Variants in NUDT4 observed in about 807,000 individuals in gnomAD.
NUDT4 encodes nudix hydrolase 4.
NUDT4 carries 5 observed loss-of-function variants against 23.1 expected under a neutral mutation model. The ratio of observed to expected loss-of-function variants is 0.22; its 90% CI spans 0.11 to 0.46. The LOEUF (loss-of-function observed/expected upper bound fraction) is 0.46, where lower values mean the gene tolerates loss of function less well. Ranked by LOEUF, NUDT4 falls within the 20% of genes least tolerant of loss-of-function variation. The pLI, the probability that NUDT4 is intolerant of heterozygous loss-of-function variation, is 0.99. For synonymous variants in NUDT4, 50 were observed against 79.0 expected (o/e 0.63, Z 1.95); for missense variants, 96 against 211.6 (o/e 0.45, Z 3.39).
intron 2 of NUDT4, among the ~76,000 whole-genome samples, chr12:93,394,930 C>T (rs570383057): frequency 6.6e-6 from 1 of 152,192 alleles, no homozygotes; most frequent in Admixed American, 6.5e-5. Flanking sequence ...CTCACTGCCA[C>T]CTCCGCCTCC....
chr12:93,403,488 T>C lies in NUDT4; in HGVS notation c.*4109T>C, dbSNP rs1174006783. ...CGCCTGCCACCACGCCCGGCTAATT[T>C]TTTTGTATTTTTAGTAGAGACGGGG... On this transcript the variant is annotated 3_prime_UTR_variant, in exon 5 of 5. Transcript: ENST00000415493. 6.6e-6 allele frequency: 1 copy of C among 152,078 alleles called. No individual in the cohort carries two copies. Among genetic ancestry groups the C allele is most frequent in the Non-Finnish European group, 1.5e-5 (1 of 68,060 alleles). 9.4% of individuals were successfully genotyped at this position (152,078 alleles called of 1,614,324 possible). A position where few individuals can be genotyped will look rare whatever the true frequency, so the allele number is the denominator to read the frequency against.
At chr12:93,378,816 G>T (rs764427607) in intron 1 of NUDT4, 2 of 992,150 alleles carry the variant, frequency 2.0e-6, no homozygotes, top group Non-Finnish European at 2.4e-6. Flanking sequence ...GAGCCCTTGT[G>T]CCTCTTTTAC....
At chr12:93,382,907 C>T (rs949091625) in intron 1 of NUDT4, among the ~76,000 whole-genome samples, 3 of 151,960 alleles carry the variant, frequency 2.0e-5, no homozygotes, top group African/African-American at 7.3e-5. Flanking sequence ...GTGATTTACC[C>T]ACCTCAGCCT....
intron 1 of NUDT4, among the ~76,000 whole-genome samples, chr12:93,391,031 T>A (rs1443093170): frequency 6.6e-6 from 1 of 152,100 alleles, no homozygotes; most frequent in Non-Finnish European, 1.5e-5. Context: ...AAGTTCCTGG[T>A]AACTTAGTCA....
At position 93,389,773 on chromosome 12, in the gene NUDT4, A is replaced by G. The variant is rs533138471; in HGVS notation, c.100-4836A>G. The stretch of plus-strand genomic sequence containing the variant: ...AAAATGAGCTGGGCATGGTGGTGGG[A>G]GCCTGTAATCCCAGCTACTCGGGAG... On this transcript the variant is annotated intron_variant, in intron 1 of 4. Transcript: ENST00000415493. Among the ~76,000 whole-genome samples, 273 of 149,644 alleles carry G rather than the reference A, an allele frequency of 1.8e-3. 2 individuals carry two copies. Among genetic ancestry groups the G allele is most frequent in the African/African-American group, 6.4e-3 (261 of 40,666 alleles).
chr12:93,396,535 T>A (rs1474618036), intron 3 of NUDT4, among the ~76,000 whole-genome samples: 1 of 152,210 alleles, frequency 6.6e-6, no homozygotes, highest in African/African-American at 2.4e-5. Context: ...TAAATTTTAT[T>A]TTTAAGCCTT....
rs1019447366 is a variant in NUDT4, at chr12:93,402,387, A to G, written c.*3008A>G. 1 of 152,154 alleles carries G rather than the reference A, an allele frequency of 6.6e-6. No homozygotes were observed. The highest frequency in any genetic ancestry group is 1.5e-5 in the Non-Finnish European group (1 of 68,024). 9.4% of individuals were successfully genotyped at this position (152,154 alleles called of 1,614,324 possible). The stretch of plus-strand genomic sequence containing the variant: ...GCTTTTAACTTTGAAATGTATAAAC[A>G]CCCAGCGGAAACGTATACCTTTCAG... On this transcript the variant is annotated 3_prime_UTR_variant, in exon 5 of 5. Transcript: ENST00000415493.
At chr12:93,386,222 C>CT (rs1465185133) in intron 1 of NUDT4, among the ~76,000 whole-genome samples, 2 of 151,962 alleles carry the variant, frequency 1.3e-5, no homozygotes, top group Non-Finnish European at 2.9e-5. Flanking sequence ...GTCCGCCTGC[C>CT]TTGGCTTCCC....
Position 93,406,592 on chromosome 12 carries a change from A to T in NUDT4, c.*7213A>T, listed in dbSNP as rs189893472. ...GGGTTCCACTTCCGTGGATTCAAAC[A>T]ACCAGACAAAATATTCCAAAAAACA... On this transcript the variant is annotated 3_prime_UTR_variant, in exon 5 of 5. Coordinates refer to ENST00000415493, the MANE Select transcript of NUDT4 (RefSeq NM_019094.6). 18 of 152,382 alleles carry T rather than the reference A, an allele frequency of 1.2e-4. No homozygotes were observed. Among genetic ancestry groups the T allele is most frequent in the African/African-American group, 4.1e-4 (17 of 41,578 alleles). The allele number at this position is 152,382 out of a possible 1,614,324, so 9.4% of individuals were successfully genotyped here. A position where few individuals can be genotyped will look rare whatever the true frequency, so the allele number is the denominator to read the frequency against.
chr12:93,404,704 T>C lies in NUDT4; in HGVS notation c.*5325T>C, dbSNP rs954193104. The C allele has an allele frequency of 1.3e-5, 2 of 152,194 alleles. No individual in the cohort carries two copies. Among genetic ancestry groups the C allele is most frequent in the African/African-American group, 4.8e-5 (2 of 41,446 alleles). 9.4% of individuals were successfully genotyped at this position (152,194 alleles called of 1,614,324 possible). ...TAGACAGAACTACCTGTTTTATGCATGTATTGGCATACACTGAAAAAGCTT... is the reference window on the plus strand; with the variant it reads ...TAGACAGAACTACCTGTTTTATGCACGTATTGGCATACACTGAAAAAGCTT... On this transcript the variant is annotated 3_prime_UTR_variant, in exon 5 of 5. Coordinates refer to ENST00000415493, the MANE Select transcript of NUDT4 (RefSeq NM_019094.6).
At chr12:93,378,570 C>G (rs981188110) in intron 1 of NUDT4, 149 bp downstream of exon 1, 1 of 1,303,330 alleles carries the variant, frequency 7.7e-7, no homozygotes, top group African/African-American at 1.6e-5. Flanking sequence ...TCACTCCTTT[C>G]CTCCCTCACT....
At chr12:93,388,102 A>G (rs1565778509) in intron 1 of NUDT4, among the ~76,000 whole-genome samples, 1 of 152,196 alleles carries the variant, frequency 6.6e-6, no homozygotes, top group South Asian at 2.1e-4. Flanking sequence ...TTCATAAGCT[A>G]GTTGTTTAGA....
At chr12:93,380,733 C>T (rs1647608593) in intron 1 of NUDT4, among the ~76,000 whole-genome samples, 1 of 152,106 alleles carries the variant, frequency 6.6e-6, no homozygotes, top group Non-Finnish European at 1.5e-5. Flanking sequence ...GTTAGCTTTC[C>T]TGGAGATTCT....
Position 93,407,977 on chromosome 12 carries a change from AT to A in NUDT4, c.*8601del, listed in dbSNP as rs1345198378. The A allele has an allele frequency of 6.6e-6, 1 of 152,240 alleles. No individual in the cohort carries two copies. The highest frequency in any genetic ancestry group is 6.5e-5 in the Admixed American group (1 of 15,286). The allele number at this position is 152,240 out of a possible 1,614,324, so 9.4% of individuals were successfully genotyped here. A position where few individuals can be genotyped will look rare whatever the true frequency, so the allele number is the denominator to read the frequency against. The stretch of plus-strand genomic sequence containing the variant: ...ACTGCATTTGAAATGAAAATGACTT[AT>A]TTCTGTACTTCTATAACTCACAAAT... On this transcript the variant is annotated 3_prime_UTR_variant, in exon 5 of 5. Coordinates refer to ENST00000415493, the MANE Select transcript of NUDT4 (RefSeq NM_019094.6).
Position 93,405,178 on chromosome 12 carries a change from GCCAGATCTGATATCTACTCCCGAC to G in NUDT4, c.*5801_*5824del. ...AGCCTATCACATCTAAGCTGCTTTT[GCCAGATCTGATATCTACTCCCGAC>G]CTTAAGCCAGGAGACTTTGTAAACT... On this transcript the variant is annotated 3_prime_UTR_variant, in exon 5 of 5. Coordinates refer to ENST00000415493, the MANE Select transcript of NUDT4 (RefSeq NM_019094.6). 6.6e-6 allele frequency: 1 copy of G among 152,098 alleles called. No homozygotes were observed. The highest frequency in any genetic ancestry group is 2.4e-5 in the African/African-American group (1 of 41,386). 9.4% of individuals were successfully genotyped at this position (152,098 alleles called of 1,614,324 possible). A position where few individuals can be genotyped will look rare whatever the true frequency, so the allele number is the denominator to read the frequency against.
At chr12:93,390,636 A>T (rs913752602) in intron 1 of NUDT4, among the ~76,000 whole-genome samples, 2 of 152,076 alleles carry the variant, frequency 1.3e-5, no homozygotes, top group African/African-American at 4.8e-5. Context: ...AGACAGTCTC[A>T]TTCTGTCGCC....
rs1226937776 is a variant in NUDT4 at position 93,404,889 on chromosome 12, ATTTT to A, written c.*5514_*5517del. The A allele has an allele frequency of 6.6e-6, 1 of 150,722 alleles. No homozygotes were observed. Among genetic ancestry groups the A allele is most frequent in the Non-Finnish European group, 1.5e-5 (1 of 67,964 alleles). The allele number at this position is 150,722 out of a possible 1,614,324, so 9.3% of individuals were successfully genotyped here. A position where few individuals can be genotyped will look rare whatever the true frequency, so the allele number is the denominator to read the frequency against. On this transcript the variant is annotated 3_prime_UTR_variant, in exon 5 of 5. Transcript: ENST00000415493. ...TGTTTGTACGGCCAACAAGTTTAAA[ATTTT>A]TTTAATGTTTTAGGTTTTTTTTTTT...
chr12:93,391,881 A>ATTTTTAT (rs1475905907), intron 1 of NUDT4, among the ~76,000 whole-genome samples: 2 of 151,976 alleles, frequency 1.3e-5, no homozygotes, highest in African/African-American at 2.4e-5. Context: ...TGACTTATTT[A>ATTTTTAT]TTTTTATTTT....
chr12:93,389,506 AT>A (rs1416521645), intron 1 of NUDT4, among the ~76,000 whole-genome samples: 2 of 152,146 alleles, frequency 1.3e-5, no homozygotes, highest in East Asian at 3.8e-4. Context: ...CTAAAAAGTA[AT>A]TTATGAAAGA....
Sources: gnomAD v4.1 joint callset for allele counts (sites outside exome capture counted in the v4.1 genomes callset) on GRCh38, gnomAD v4.1.1 for gene constraint, MANE v1.5 for transcripts, NCBI Gene and HGNC (gene_info 2026-07-23, HGNC 2026-07-21) for gene names.